The following WAC variants were observed in gnomAD, a reference collection of about 807,000 sequenced individuals.
WAC encodes WW domain containing adaptor with coiled-coil.
Under a neutral mutation model 79.6 loss-of-function variants are expected in WAC, and 11 were observed. The ratio of observed to expected loss-of-function variants is 0.14; its 90% CI spans 0.09 to 0.23. The LOEUF (loss-of-function observed/expected upper bound fraction) is 0.23, where lower values mean the gene tolerates loss of function less well. Among genes scored for constraint, WAC ranks in the 10% least tolerant of loss-of-function variants. WAC has a pLI of 1.00. For missense variants in WAC, 728 were observed against 773.5 expected, an observed-to-expected ratio of 0.94 and a Z score of 0.70; for synonymous variants, 304 against 276.9, an observed-to-expected ratio of 1.10 and a Z score of -0.97.
intron 3 of WAC, among the ~76,000 whole-genome samples, chr10:28,556,330 T>C (rs187392798): frequency 6.0e-5 from 9 of 149,508 alleles, no homozygotes; most frequent in Admixed American, 3.4e-4. Context: ...CTTTTTAATA[T>C]ACCTGTCAAC....
intron 4 of WAC, among the ~76,000 whole-genome samples, chr10:28,588,187 A>G (rs889851218): frequency 2.6e-5 from 4 of 152,098 alleles, no homozygotes; most frequent in African/African-American, 9.7e-5. Flanking sequence ...GTTGCATAAT[A>G]ATTTATGTAT....
At chr10:28,550,166 C>CAAA (rs5784070) in intron 3 of WAC, among the ~76,000 whole-genome samples, 13 of 141,268 alleles carry the variant, frequency 9.2e-5, no homozygotes, top group Non-Finnish European at 1.9e-4. Flanking sequence ...GACTCAGTCT[C>CAAA]AAAAAAAAAA....
At chr10:28,537,148 T>A (rs534720181) in intron 3 of WAC, among the ~76,000 whole-genome samples, 2 of 152,358 alleles carry the variant, frequency 1.3e-5, no homozygotes, top group Non-Finnish European at 2.9e-5. Context: ...CTCTATTGAA[T>A]GTAGTTATAG....
chr10:28,579,652 A>C (rs1285407197), intron 3 of WAC, among the ~76,000 whole-genome samples: 1 of 152,188 alleles, frequency 6.6e-6, no homozygotes, highest in Non-Finnish European at 1.5e-5. Flanking sequence ...GAAAATCATA[A>C]CCACCATTAC....
chr10:28,548,313 C>T (rs927586803), intron 3 of WAC, among the ~76,000 whole-genome samples: 7 of 152,288 alleles, frequency 4.6e-5, no homozygotes, highest in Middle Eastern at 3.4e-3. Context: ...TCATCTTCCA[C>T]ACTCTTTTTT....
chr10:28,599,709 A>G (rs2132732471), intron 7 of WAC, among the ~76,000 whole-genome samples: 1 of 152,336 alleles, frequency 6.6e-6, no homozygotes, highest in South Asian at 2.1e-4. Context: ...GGTGAATTCA[A>G]GTTTTGTGCC....
chr10:28,571,945 CCT>C (rs1446030442), intron 3 of WAC, among the ~76,000 whole-genome samples: 2 of 152,128 alleles, frequency 1.3e-5, no homozygotes, highest in Admixed American at 1.3e-4. Context: ...TTTACACTAA[CCT>C]ATATTTTTTC....
At chr10:28,598,807 T>C (rs1184445389) in intron 7 of WAC, among the ~76,000 whole-genome samples, 1 of 152,244 alleles carries the variant, frequency 6.6e-6, no homozygotes, top group African/African-American at 2.4e-5. Context: ...AGTTTAAATT[T>C]CACGAAGTGT....
At chr10:28,590,620 T>C (rs1045227655) in intron 5 of WAC, 100 bp from the exon 6 acceptor site, 1 of 944,998 alleles carries the variant, frequency 1.1e-6, no homozygotes, top group African/African-American at 1.7e-5. Context: ...CCTTTTGTTT[T>C]CTGTATACCA....
intron 2 of WAC, chr10:28,535,302 G>A (rs1836577820): frequency 9.9e-6 from 3 of 303,494 alleles, no homozygotes; most frequent in Non-Finnish European, 1.8e-5. Flanking sequence ...TGCAGAATCA[G>A]TGTGCAAGGT....
intron 3 of WAC, among the ~76,000 whole-genome samples, chr10:28,554,063 T>C (rs1837850350): frequency 6.6e-6 from 1 of 152,184 alleles, no homozygotes; most frequent in South Asian, 2.1e-4. Context: ...AGATGGGGTT[T>C]CGCCATGTTG....
At position 28,534,046 on chromosome 10, in the gene WAC, G is replaced by C. The variant is rs747278370; in HGVS notation, c.78+12G>C. On this transcript the variant is annotated intron_variant, in intron 2 of 13. Transcript: ENST00000354911. ...CGCAGCCTTACCAGGTACCAGCCGA[G>C]GCCGGGGTGGAGGGATTGGAAGGGG... 6.3e-7 allele frequency: 1 copy of C among 1,577,352 alleles called. No homozygotes were observed. The highest frequency in any genetic ancestry group is 1.4e-5 in the African/African-American group (1 of 71,092).
intron 10 of WAC, 130 bp from the exon 11 acceptor site, chr10:28,614,437 C>T (rs1263428359): frequency 2.8e-6 from 2 of 719,338 alleles, no homozygotes; most frequent in African/African-American, 3.5e-5. Flanking sequence ...GCCATTTTCA[C>T]AAAGAAATGA....
At chr10:28,577,577 A>C (rs1216067694) in intron 3 of WAC, among the ~76,000 whole-genome samples, 1 of 152,194 alleles carries the variant, frequency 6.6e-6, no homozygotes, top group Admixed American at 6.5e-5. Context: ...AACTCTTTTA[A>C]GTGCTGTGGC....
At chr10:28,612,934 A>G (rs1461730829) in intron 10 of WAC, among the ~76,000 whole-genome samples, 1 of 152,204 alleles carries the variant, frequency 6.6e-6, no homozygotes, top group Non-Finnish European at 1.5e-5. Flanking sequence ...AGTGGTTAAA[A>G]GTGAAATAAG....
chr10:28,612,695 C>T (rs1398335682), intron 10 of WAC, among the ~76,000 whole-genome samples: 1 of 151,358 alleles, frequency 6.6e-6, no homozygotes, highest in Non-Finnish European at 1.5e-5. Context: ...TAAGTCTTCC[C>T]GTTTGTTCAT....
intron 3 of WAC, among the ~76,000 whole-genome samples, chr10:28,551,185 A>C (rs332119): frequency 0.56 from 84,671 of 151,946 alleles, 23,988 homozygotes; most frequent in East Asian, 0.67. Context: ...TTTTGAAGCT[A>C]CTTACACATC....
chr10:28,613,396 C>A (rs918689620), intron 10 of WAC, among the ~76,000 whole-genome samples: 8 of 152,076 alleles, frequency 5.3e-5, no homozygotes, highest in Admixed American at 3.9e-4. Context: ...GTGCACTACT[C>A]AGGAGGCTGA....
At chr10:28,554,549 G>A (rs1411189) in intron 3 of WAC, among the ~76,000 whole-genome samples, 34,240 of 151,906 alleles carry the variant, frequency 0.23, 4,687 homozygotes, top group Non-Finnish European at 0.28. Context: ...CGAATAGCTC[G>A]TGAATTTGTT....
Sources: gnomAD v4.1 joint callset for allele counts (sites outside exome capture counted in the v4.1 genomes callset) on GRCh38, gnomAD v4.1.1 for gene constraint, MANE v1.5 for transcripts, NCBI Gene and HGNC (gene_info 2026-07-23, HGNC 2026-07-21) for gene names.